Variants in AAMDC observed in about 807,000 individuals in gnomAD.
The protein encoded by AAMDC is mth938 domain-containing protein.
AAMDC carries 16 observed loss-of-function variants against 15.5 expected under a neutral mutation model. The observed-to-expected ratio is 1.03, with a 90% confidence interval of 0.70 to 1.57. AAMDC has a LOEUF of 1.57. Ranked by LOEUF, AAMDC falls within the 40% of genes most tolerant of loss-of-function variation. The pLI, the probability that AAMDC is intolerant of heterozygous loss-of-function variation, is 0.00. For missense variants in AAMDC, 141 were observed against 144.9 expected (o/e 0.97, Z 0.14); for synonymous variants, 51 against 51.6 (o/e 0.99, Z 0.05).
chr11:77,872,353 T>C, downstream of AAMDC: 3 of 1,573,470 alleles, frequency 1.9e-6, no homozygotes, highest in South Asian at 2.4e-5. Flanking sequence ...TAAGTGCCTA[T>C]GCCTGTGACT....
intron 5 of AAMDC, chr11:77,891,580 C>G: frequency 2.6e-6 from 4 of 1,565,240 alleles, no homozygotes; most frequent in Non-Finnish European, 1.7e-6. Context: ...CTCAGAGGAA[C>G]AGCCTAGCCC....
rs368245063 is a variant in AAMDC at position 77,824,483 on chromosome 11, A to T, written c.-19+3242A>T. On this transcript the variant is annotated intron_variant, in intron 1 of 3. Coordinates refer to ENST00000393427, the MANE Select transcript of AAMDC (RefSeq NM_024684.4). ...ACGGCTAATTTATTAAAAATACCAA[A>T]AAGTCAAAAACAACACAAATATTCA... Among the ~76,000 whole-genome samples, 141 of 152,322 alleles carry T rather than the reference A, an allele frequency of 9.3e-4. No individual in the cohort carries two copies. In the South Asian group the frequency reaches 9.5e-3, roughly 10 times the overall value.
At chr11:77,898,963 T>A (rs1163550563) in intron 5 of AAMDC, among the ~76,000 whole-genome samples, 1 of 152,180 alleles carries the variant, frequency 6.6e-6, no homozygotes, top group African/African-American at 2.4e-5. Flanking sequence ...GAGGTTGCAG[T>A]GAGTTGAGAT....
At chr11:77,836,742 G>A (rs936633117) in intron 1 of AAMDC, among the ~76,000 whole-genome samples, 1 of 152,238 alleles carries the variant, frequency 6.6e-6, no homozygotes, top group Non-Finnish European at 1.5e-5. Context: ...TAGGCGGGTG[G>A]ATCGCCTGAG....
At chr11:77,872,412 C>T, downstream of AAMDC, 1 of 1,421,620 alleles carries the variant, frequency 7.0e-7, no homozygotes, top group Admixed American at 2.4e-5. Flanking sequence ...TTTTGGACAC[C>T]TACTCATGCC....
At chr11:77,870,079 T>G (rs1951341499) in intron 3 of AAMDC, 1 of 224,904 alleles carries the variant, frequency 4.4e-6, no homozygotes, top group Non-Finnish European at 8.6e-6. Flanking sequence ...TCCTTTATAT[T>G]TTAATAATAC....
At chr11:77,839,121 A>G (rs1244145189) in intron 1 of AAMDC, among the ~76,000 whole-genome samples, 4 of 152,250 alleles carry the variant, frequency 2.6e-5, no homozygotes, top group African/African-American at 9.6e-5. Context: ...AATTACTCAG[A>G]TACAGTTTCT....
intron 2 of AAMDC, among the ~76,000 whole-genome samples, chr11:77,852,271 A>G (rs1250024070): frequency 6.6e-6 from 1 of 151,286 alleles, no homozygotes; most frequent in Non-Finnish European, 1.5e-5. Flanking sequence ...AAAGAAAAAG[A>G]AAGAAAAAGT....
At chr11:77,827,269 G>C (rs1949223299) in intron 1 of AAMDC, among the ~76,000 whole-genome samples, 1 of 152,116 alleles carries the variant, frequency 6.6e-6, no homozygotes, top group Non-Finnish European at 1.5e-5. Context: ...AACTAGAAGA[G>C]AGGGAACACT....
chr11:77,845,266 A>T (rs1366617841), intron 2 of AAMDC, among the ~76,000 whole-genome samples: 1 of 151,950 alleles, frequency 6.6e-6, no homozygotes, highest in Non-Finnish European at 1.5e-5. Context: ...CAGGTCTCTG[A>T]GTCTATATTC....
chr11:77,861,305 A>C (rs1263298267), intron 2 of AAMDC, among the ~76,000 whole-genome samples: 1 of 152,240 alleles, frequency 6.6e-6, no homozygotes, highest in Admixed American at 6.5e-5. Flanking sequence ...AAAGTTCCCC[A>C]GTCACAACTT....
At chr11:77,842,788 G>T (rs1370961108) in intron 2 of AAMDC, among the ~76,000 whole-genome samples, 160 bp downstream of exon 2, 2 of 152,074 alleles carry the variant, frequency 1.3e-5, no homozygotes, top group South Asian at 2.1e-4. Flanking sequence ...CAATTCAATG[G>T]ACTTCTTACA....
At chr11:77,857,245 G>T (rs1057122880) in intron 2 of AAMDC, among the ~76,000 whole-genome samples, 3 of 152,212 alleles carry the variant, frequency 2.0e-5, no homozygotes, top group Admixed American at 2.0e-4. Context: ...GAATACCTAA[G>T]ACTGCCTAGA....
intron 1 of AAMDC, among the ~76,000 whole-genome samples, chr11:77,824,597 G>GT (rs1721730105): frequency 1.3e-5 from 2 of 152,254 alleles, no homozygotes; most frequent in Admixed American, 6.5e-5. Context: ...TTAAAAACAT[G>GT]TTGAGTAAAA....
chr11:77,878,948 C>G lies in AAMDC; in HGVS notation c.328+1899C>G, dbSNP rs185402665. On this transcript the variant is annotated intron_variant, in intron 5 of 5. Coordinates refer to the AAMDC transcript ENST00000304716. ...CCACGGTTGGGAAGACTGTTTTTGC[C>G]TTAGCGCCGTGCAGGTTTGGGCATT... The G allele has an allele frequency of 1.1e-5, 17 of 1,613,574 alleles. No individual in the cohort carries two copies. The African/African-American group carries it at 2.0e-4, about 19-fold the overall frequency.
At chr11:77,844,621 C>A (rs945868721) in intron 2 of AAMDC, among the ~76,000 whole-genome samples, 3 of 152,112 alleles carry the variant, frequency 2.0e-5, no homozygotes, top group Admixed American at 2.0e-4. Context: ...CTTGGCCTCC[C>A]AAAATGCTGA....
At chr11:77,838,648 G>C (rs1191633139) in intron 1 of AAMDC, among the ~76,000 whole-genome samples, 1 of 131,106 alleles carries the variant, frequency 7.6e-6, no homozygotes, top group Non-Finnish European at 1.5e-5. Context: ...ACAGAGTCTC[G>C]CTCTTTTGCC....
At chr11:77,854,175 G>T (rs963736930) in intron 2 of AAMDC, among the ~76,000 whole-genome samples, 1 of 151,764 alleles carries the variant, frequency 6.6e-6, no homozygotes, top group African/African-American at 2.4e-5. Flanking sequence ...TGTATTTGTA[G>T]TAGAGACGGG....
chr11:77,872,380 C>A, downstream of AAMDC: 1 of 1,530,262 alleles, frequency 6.5e-7, no homozygotes, highest in South Asian at 1.3e-5. Context: ...CACCATTCTC[C>A]AAACCAGCCT....
Sources: gnomAD v4.1 joint callset for allele counts (sites outside exome capture counted in the v4.1 genomes callset) on GRCh38, gnomAD v4.1.1 for gene constraint, MANE v1.5 for transcripts, NCBI Gene and HGNC (gene_info 2026-07-23, HGNC 2026-07-21) for gene names.